Variants in BTBD2 observed in about 807,000 individuals in gnomAD.
The protein encoded by BTBD2 is BTB domain containing 2, also known as BTB/POZ domain-containing protein 2.
BTBD2 carries 15 observed loss-of-function variants against 44.0 expected under a neutral mutation model. That is an observed-to-expected ratio of 0.34 (90% CI 0.23 to 0.53). BTBD2 has a LOEUF of 0.53. BTBD2 is among the 20% of genes least tolerant of loss of function. BTBD2 has a pLI of 0.95. For synonymous variants in BTBD2, 443 were observed against 335.9 expected (o/e 1.32, Z -3.49); for missense variants, 657 against 746.4 (o/e 0.88, Z 1.39).
chr19:1,994,468 AT>A (rs370404856), intron 2 of BTBD2, among the ~76,000 whole-genome samples: 1 of 150,788 alleles, frequency 6.6e-6, no homozygotes, highest in African/African-American at 2.4e-5. Flanking sequence ...CTCTAAACAC[AT>A]TTTTTTTTCA....
chr19:2,005,922 T>C (rs115398493), intron 1 of BTBD2, among the ~76,000 whole-genome samples: 3,278 of 151,814 alleles, frequency 0.022, 119 homozygotes, highest in African/African-American at 0.075. Context: ...ACCCCATCTC[T>C]ACTAAACAGA....
At chr19:2,012,754 A>AG in intron 1 of BTBD2, among the ~76,000 whole-genome samples, 1 of 152,214 alleles carries the variant, frequency 6.6e-6, no homozygotes. Flanking sequence ...CTTTTCTCCA[A>AG]GGGGTCCTTG....
intron 3 of BTBD2, 77 bp from the exon 4 acceptor site, chr19:1,990,899 G>T (rs1172318884): frequency 3.8e-6 from 5 of 1,317,708 alleles, no homozygotes; most frequent in Non-Finnish European, 4.2e-6. Context: ...TGCGGGGCCG[G>T]TTCAAATGCA....
chr19:2,011,565 G>C (rs961522136), intron 1 of BTBD2, among the ~76,000 whole-genome samples: 3 of 152,190 alleles, frequency 2.0e-5, no homozygotes, highest in Non-Finnish European at 4.4e-5. Context: ...TTCTGGACCA[G>C]GTCAGTGCCC....
chr19:2,002,346 G>A lies in BTBD2; in HGVS notation c.408-4883C>T, dbSNP rs976621701. Among the ~76,000 whole-genome samples the A allele has an allele frequency of 3.9e-5, 6 of 152,202 alleles. 1 individual carries two copies. The highest frequency in any genetic ancestry group is 2.6e-4 in the Admixed American group (4 of 15,264). On this transcript the variant is annotated intron_variant, in intron 1 of 8. Transcript: ENST00000255608. ...TCCTCCCAGTTCAGCTGCCCAAAGC[G>A]CTGTGATTACAGGCAAACTGATAAC...
At chr19:1,989,964 C>A in intron 5 of BTBD2, 40 bp downstream of exon 5, 1 of 1,607,702 alleles carries the variant, frequency 6.2e-7, no homozygotes. Context: ...CTGTGTGCCA[C>A]TCCCCTCCCA....
intron 3 of BTBD2, among the ~76,000 whole-genome samples, 160 bp downstream of exon 3, chr19:1,992,860 C>T (rs1003506269): frequency 6.6e-6 from 1 of 152,342 alleles, no homozygotes; most frequent in South Asian, 2.1e-4. Flanking sequence ...GCGTGAGCAA[C>T]CACGCCCGGC....
intron 1 of BTBD2, among the ~76,000 whole-genome samples, chr19:1,998,536 C>T (rs1299267758): frequency 6.6e-6 from 1 of 152,218 alleles, no homozygotes; most frequent in East Asian, 1.9e-4. Context: ...ATGGGGCCCA[C>T]TCAGTGGCTC....
intron 1 of BTBD2, among the ~76,000 whole-genome samples, chr19:2,014,836 G>A (rs976509212): frequency 2.0e-5 from 3 of 150,402 alleles, no homozygotes; most frequent in African/African-American, 4.9e-5. Flanking sequence ...TGGGATCCCG[G>A]GGAACAGGCT....
chr19:1,999,135 G>A (rs953255557), intron 1 of BTBD2, among the ~76,000 whole-genome samples: 11 of 152,076 alleles, frequency 7.2e-5, no homozygotes, highest in Admixed American at 6.6e-4. Flanking sequence ...CACCACACGC[G>A]CCCCCCTAAA....
At chr19:1,998,474 G>A (rs1392250149) in intron 1 of BTBD2, among the ~76,000 whole-genome samples, 2 of 152,234 alleles carry the variant, frequency 1.3e-5, no homozygotes, top group African/African-American at 2.4e-5. Flanking sequence ...CTGGGAAAGC[G>A]GTGGCTGTGA....
chr19:2,012,545 C>T lies in BTBD2; in HGVS notation c.407+2752G>A, dbSNP rs186119358. Reference sequence around the variant, plus strand: ...TGACCAAGTGTCCTCACAAGGCCTCCGGTCAGCGAGAAGCCATTCCTAGTT... The same window carrying T: ...TGACCAAGTGTCCTCACAAGGCCTCTGGTCAGCGAGAAGCCATTCCTAGTT... On this transcript the variant is annotated intron_variant, in intron 1 of 8. Coordinates refer to ENST00000255608, the MANE Select transcript of BTBD2 (RefSeq NM_017797.4). Among the ~76,000 whole-genome samples the T allele has an allele frequency of 4.7e-4, 71 of 152,304 alleles. 1 individual carries two copies. The highest frequency in any genetic ancestry group is 3.4e-3 in the Middle Eastern group (1 of 292).
rs111933486 is a variant in BTBD2, at chr19:1,996,545, CAA to C, written c.527+797_527+798del. Among the ~76,000 whole-genome samples, 7 of 99,304 alleles carry C rather than the reference CAA, an allele frequency of 7.0e-5. No individual in the cohort carries two copies. In the South Asian group the frequency reaches 9.9e-4, roughly 14 times the overall value. The allele number at this position is 99,304 out of a possible 152,430, so 65.1% of individuals were successfully genotyped here. A position where few individuals can be genotyped will look rare whatever the true frequency, so the allele number is the denominator to read the frequency against. On this transcript the variant is annotated intron_variant, in intron 2 of 8. Coordinates refer to ENST00000255608, the MANE Select transcript of BTBD2 (RefSeq NM_017797.4). Reference sequence around the variant, plus strand: ...GCTTGGGCAACAGGAGCAAAACTGTCAAAAAAAAAAAAAAAAAGAAGGAAAGA... The same window carrying C: ...GCTTGGGCAACAGGAGCAAAACTGTCAAAAAAAAAAAAAAAGAAGGAAAGA...
At chr19:2,014,946 G>A (rs1322218725) in intron 1 of BTBD2, among the ~76,000 whole-genome samples, 1 of 151,450 alleles carries the variant, frequency 6.6e-6, no homozygotes, top group Non-Finnish European at 1.5e-5. Context: ...ACAGAGAGGT[G>A]CAGAGGCAGG....
At chr19:1,989,948 G>T (rs908092384) in intron 5 of BTBD2, 56 bp downstream of exon 5, 53 of 1,588,378 alleles carry the variant, frequency 3.3e-5, no homozygotes, top group Non-Finnish European at 4.1e-5. Context: ...GTACCCAGAT[G>T]CCCACCTGTG....
At chr19:1,997,121 A>T (rs1599856) in intron 2 of BTBD2, among the ~76,000 whole-genome samples, 27,152 of 151,730 alleles carry the variant, frequency 0.18, 2,903 homozygotes, top group African/African-American at 0.29. Context: ...CTGAGGTTGC[A>T]GTGAGCCAAG....
In BTBD2 at chr19:1,997,440, G is replaced by C; in HGVS notation, c.431C>G (p.Ala144Gly). ...AHRFVLAVGS[A>G]VFDAMFNGGM... ...CCCGTTGAACATGGCATCAAAGACG[G>C]CGCTGCCCACGGCCAGCACGAACCT... Residue 144 changes from alanine (A) to glycine (G), a missense_variant, in exon 2 of 9, where the codon GCC (alanine) becomes GGC (glycine). By Grantham distance (60) the Ala-to-Gly change is moderately conservative. Transcript: ENST00000255608. 1 of 1,614,140 alleles carries C rather than the reference G, an allele frequency of 6.2e-7. No homozygotes were observed. Among genetic ancestry groups the C allele is most frequent in the East Asian group, 2.2e-5 (1 of 44,882 alleles).
Position 2,015,409 on chromosome 19 carries a change from T to A in BTBD2, c.295A>T (p.Ser99Cys). ...AAGCGCTCCTGCACGGTGGGCTTGC[T>A]GGCCTGCCAGTTGTACGCGGCCTCG... ...QREAAYNWQA[S>C]KPTVQERFAF... Residue 99 changes from serine to cysteine, a missense_variant, in exon 1 of 9, where the codon AGC (serine) becomes TGC (cysteine). Around this residue, in one of 3 missense-constraint regions of BTBD2, gnomAD observed 191 missense variants for 188.5 expected, o/e 1.01. Transcript: ENST00000255608. 1 of 1,547,918 alleles carries A rather than the reference T, an allele frequency of 6.5e-7. No individual in the cohort carries two copies. The highest frequency in any genetic ancestry group is 8.7e-7 in the Non-Finnish European group (1 of 1,155,748).
At chr19:2,015,259 T>TGG in intron 1 of BTBD2, 38 bp downstream of exon 1, 1 of 1,468,250 alleles carries the variant, frequency 6.8e-7, no homozygotes, top group East Asian at 2.7e-5. Flanking sequence ...GCAGGCTGGG[T>TGG]GGGTCGGGGC....
Sources: gnomAD v4.1 joint callset for allele counts (sites outside exome capture counted in the v4.1 genomes callset) on GRCh38, gnomAD v4.1.1 for gene constraint, gnomAD v4.1.1 regional missense constraint, MANE v1.5 for transcripts, NCBI Gene and HGNC (gene_info 2026-07-23, HGNC 2026-07-21) for gene names.